RNF175: variants seen among roughly 807,000 people sequenced by gnomAD.
RNF175 encodes the protein ring finger protein 175.
A neutral mutation model predicts 50.0 loss-of-function variants in RNF175; 38 were observed. The ratio of observed to expected loss-of-function variants is 0.76; its 90% confidence interval spans 0.59 to 1.00. The LOEUF (loss-of-function observed/expected upper bound fraction) is 1.00. Among genes scored for constraint, RNF175 ranks in the 50% least tolerant of loss-of-function variants. RNF175 has a pLI of 0.00. For missense variants in RNF175, 388 were observed against 409.6 expected (o/e 0.95, Z 0.46); for synonymous variants, 155 against 146.1 (o/e 1.06, Z -0.44).
chr4:153,748,889 T>G, intron 2 of RNF175, 103 bp from the exon 3 acceptor site: 1 of 1,150,190 alleles, frequency 8.7e-7, no homozygotes, highest in Middle Eastern at 2.9e-4. Flanking sequence ...CAGGTTTGGC[T>G]TACAAAAAGC....
At chr4:153,734,019 T>C (rs1371161) in intron 3 of RNF175, among the ~76,000 whole-genome samples, 26,909 of 152,232 alleles carry the variant, frequency 0.18, 3,097 homozygotes, top group Non-Finnish European at 0.25. Flanking sequence ...TCATCCATGT[T>C]TTTTCATGAC....
At position 153,751,387 on chromosome 4, in the gene RNF175, T is replaced by C; in HGVS notation, c.104+51A>G. The C allele has an allele frequency of 1.0e-5, 13 of 1,279,236 alleles. No individual in the cohort carries two copies. In the South Asian group the frequency reaches 1.6e-4, roughly 16 times the overall value. The allele number at this position is 1,279,236 out of a possible 1,614,324, so 79.2% of individuals were successfully genotyped here. A position where few individuals can be genotyped will look rare whatever the true frequency, so the allele number is the denominator to read the frequency against. ...TCATTCATTTTCTCAACTGTTAAGA[T>C]AAAAATCTAATTTTTAGCAAAACAA... On this transcript the variant is annotated intron_variant, in intron 2 of 8. Coordinates refer to ENST00000347063, the MANE Select transcript of RNF175 (RefSeq NM_173662.4).
intron 8 of RNF175, 48 bp downstream of exon 8, chr4:153,712,427 A>G (rs771074074): frequency 4.4e-6 from 5 of 1,143,188 alleles, no homozygotes; most frequent in Admixed American, 4.1e-5. Flanking sequence ...ATATATCCCC[A>G]GAAACATTCA....
Position 153,748,772 on chromosome 4 carries a change from C to T in RNF175, c.119G>A (p.Arg40Lys). The T allele has an allele frequency of 6.2e-7, 1 of 1,612,512 alleles. No individual in the cohort carries two copies. The highest frequency in any genetic ancestry group is 8.5e-7 in the Non-Finnish European group (1 of 1,179,304). ...GTGGCCCCGGTGCATCTTGTACATCCTCTCCTGCTGCAGGCTGGAACCAGC... is the reference window on the plus strand; with the variant it reads ...GTGGCCCCGGTGCATCTTGTACATCTTCTCCTGCTGCAGGCTGGAACCAGC... ...AEDTWNLQQE[R>K]MYKMHRGHDS... The change falls in exon 3 of 9, where the codon AGG (arginine) becomes AAG (lysine). Residue 40 changes from arginine (R) to lysine (K), a missense_variant. Transcript: ENST00000347063.
intron 1 of RNF175, among the ~76,000 whole-genome samples, chr4:153,756,377 C>T (rs1740564150): frequency 1.3e-5 from 2 of 152,174 alleles, no homozygotes; most frequent in South Asian, 2.1e-4. Flanking sequence ...AGTGAACATA[C>T]TTGTTTCCCC....
At chr4:153,756,020 G>A (rs540234984) in intron 1 of RNF175, among the ~76,000 whole-genome samples, 34 of 152,316 alleles carry the variant, frequency 2.2e-4, no homozygotes, top group African/African-American at 7.7e-4. Flanking sequence ...AAGCCCAGAA[G>A]AGTGGCTCCC....
At chr4:153,729,762 T>C (rs1200552971) in intron 3 of RNF175, 1 of 984,936 alleles carries the variant, frequency 1.0e-6, no homozygotes, top group African/African-American at 1.7e-5. Flanking sequence ...CCTAGAGTTG[T>C]TATCATAGAT....
chr4:153,716,308 A>G (rs1269264372), intron 6 of RNF175, among the ~76,000 whole-genome samples: 1 of 152,196 alleles, frequency 6.6e-6, no homozygotes, highest in Non-Finnish European at 1.5e-5. Context: ...CTTCAGAGGA[A>G]GCCTTTGAGT....
intron 1 of RNF175, among the ~76,000 whole-genome samples, chr4:153,756,732 G>C (rs1429688858): frequency 6.6e-6 from 1 of 152,222 alleles, no homozygotes; most frequent in Non-Finnish European, 1.5e-5. Flanking sequence ...TTGTGTTCTA[G>C]AGGAAATGAT....
At chr4:153,740,500 C>T (rs906246109) in intron 3 of RNF175, among the ~76,000 whole-genome samples, 6 of 152,114 alleles carry the variant, frequency 3.9e-5, no homozygotes, top group African/African-American at 1.2e-4. Flanking sequence ...ACATTCAATA[C>T]GTTTATGTTA....
chr4:153,716,063 CAA>C (rs35531787), intron 6 of RNF175, among the ~76,000 whole-genome samples: 5,331 of 93,928 alleles, frequency 0.057, 152 homozygotes, highest in East Asian at 0.22. Flanking sequence ...GACTCTGTCT[CAA>C]AAAAAAAAAA....
intron 7 of RNF175, chr4:153,713,989 A>G (rs1404654922): frequency 6.6e-6 from 1 of 152,202 alleles, no homozygotes; most frequent in East Asian, 1.9e-4. Context: ...CAGATAACCC[A>G]TCCTTGTTAA....
chr4:153,753,560 CTT>C (rs72529289), intron 1 of RNF175, among the ~76,000 whole-genome samples: 2 of 78,778 alleles, frequency 2.5e-5, no homozygotes, highest in African/African-American at 5.4e-5. Flanking sequence ...CTCTCTCTCT[CTT>C]TTTTTTTTTC....
chr4:153,753,601 A>G (rs1560798200), intron 1 of RNF175, among the ~76,000 whole-genome samples: 1 of 149,302 alleles, frequency 6.7e-6, no homozygotes, highest in Non-Finnish European at 1.5e-5. Flanking sequence ...TTTGTCGCCC[A>G]GGCTAGAGTG....
intron 1 of RNF175, among the ~76,000 whole-genome samples, chr4:153,754,431 C>G (rs530887256): frequency 1.3e-5 from 2 of 152,056 alleles, no homozygotes. Flanking sequence ...TTGGAAATCC[C>G]GAGTCTGAAA....
intron 6 of RNF175, among the ~76,000 whole-genome samples, chr4:153,717,696 A>C (rs1344666092): frequency 6.6e-6 from 1 of 152,216 alleles, no homozygotes; most frequent in Non-Finnish European, 1.5e-5. Flanking sequence ...ACTAGAGTAC[A>C]GTGCTTATGA....
intron 1 of RNF175, among the ~76,000 whole-genome samples, chr4:153,753,874 A>C (rs1740422192): frequency 6.6e-6 from 1 of 150,558 alleles, no homozygotes; most frequent in African/African-American, 2.4e-5. Context: ...TCTGTCTCTT[A>C]AGAAAATATT....
intron 3 of RNF175, among the ~76,000 whole-genome samples, chr4:153,735,049 C>T (rs12504286): frequency 0.44 from 67,571 of 151,872 alleles, 15,493 homozygotes; most frequent in Admixed American, 0.51. Context: ...TATTTTCTCT[C>T]ATGGATCATG....
intron 4 of RNF175, among the ~76,000 whole-genome samples, chr4:153,727,251 A>C (rs1375009595): frequency 3.3e-5 from 5 of 152,178 alleles, no homozygotes; most frequent in African/African-American, 9.7e-5. Flanking sequence ...CCAAGATCCC[A>C]AATTGGCCAG....
Sources: allele counts gnomAD v4.1 joint callset (sites outside exome capture counted in the v4.1 genomes callset), GRCh38; gene constraint gnomAD v4.1.1; transcripts MANE v1.5; gene names NCBI Gene and HGNC (gene_info 2026-07-23, HGNC 2026-07-21).